The following DLG2 variants were observed in gnomAD, a reference collection of about 807,000 sequenced individuals.
DLG2 encodes discs large MAGUK scaffold protein 2.
In DLG2, 45 loss-of-function variants were observed where a neutral mutation model predicts 132.5. That is an observed-to-expected ratio of 0.34 (90% CI 0.27 to 0.44). The LOEUF is 0.44. Among genes scored for constraint, DLG2 ranks in the 20% least tolerant of loss-of-function variants. DLG2 has a pLI of 1.00. For synonymous variants in DLG2, 424 were observed against 419.6 expected (o/e 1.01, Z -0.13); for missense variants, 1,045 against 1,196.9 (o/e 0.87, Z 1.87).
rs148825112 is a variant in DLG2 at position 84,445,092 on chromosome 11, G to A, written c.519+89478C>T. On this transcript the variant is annotated intron_variant, in intron 7 of 27. Coordinates refer to ENST00000376104, the MANE Select transcript of DLG2 (RefSeq NM_001142699.3). ...TTCCCAAAGTACTGGGATTACAGGC[G>A]TGAGCCACTGCACTTAGCCTATTGT... Among the ~76,000 whole-genome samples, 629 of 152,258 alleles carry A rather than the reference G, an allele frequency of 4.1e-3. 24 individuals are homozygous for A. The East Asian group carries it at 0.1, about 25-fold the overall frequency.
chr11:85,610,697 AG>A (rs1356136084), intron 2 of DLG2, among the ~76,000 whole-genome samples: 2 of 152,216 alleles, frequency 1.3e-5, no homozygotes, highest in East Asian at 3.8e-4. Context: ...TGAACTTTCT[AG>A]CTAATCAAGG....
intron 9 of DLG2, among the ~76,000 whole-genome samples, chr11:84,120,806 T>C (rs943809395): frequency 5.3e-5 from 8 of 152,222 alleles, no homozygotes; most frequent in African/African-American, 1.9e-4. Context: ...GGTGACAATG[T>C]TTAATTTTTG....
At chr11:84,022,004 C>T (rs1259672773) in intron 11 of DLG2, among the ~76,000 whole-genome samples, 2 of 152,144 alleles carry the variant, frequency 1.3e-5, no homozygotes, top group Non-Finnish European at 2.9e-5. Flanking sequence ...GCCTCGGCTT[C>T]CCAAAGTGCT....
chr11:85,433,233 T>A (rs555550951), intron 3 of DLG2, among the ~76,000 whole-genome samples: 1 of 152,204 alleles, frequency 6.6e-6, no homozygotes, highest in East Asian at 1.9e-4. Flanking sequence ...TAAAAACCAA[T>A]GACACTATGA....
chr11:84,077,904 A>C (rs1027753452), intron 10 of DLG2, among the ~76,000 whole-genome samples: 2 of 152,188 alleles, frequency 1.3e-5, no homozygotes, highest in African/African-American at 4.8e-5. Flanking sequence ...ACTTATATAA[A>C]ACAAAAACAC....
chr11:83,475,142 A>G (rs113829581), intron 22 of DLG2, among the ~76,000 whole-genome samples: 4 of 152,290 alleles, frequency 2.6e-5, no homozygotes, highest in African/African-American at 9.6e-5. Context: ...TGTAATACCC[A>G]GGAAGCCTGT....
At chr11:85,228,982 C>T (rs573696744) in intron 4 of DLG2, among the ~76,000 whole-genome samples, 8 of 150,956 alleles carry the variant, frequency 5.3e-5, no homozygotes, top group Non-Finnish European at 1.0e-4. Flanking sequence ...TTTTCCTATA[C>T]CTTTTTTTGT....
chr11:83,929,296 T>C (rs2079669593), intron 15 of DLG2, among the ~76,000 whole-genome samples: 1 of 152,184 alleles, frequency 6.6e-6, no homozygotes, highest in Non-Finnish European at 1.5e-5. Context: ...CGTTCTAAAG[T>C]CTGTATTTTT....
chr11:84,260,676 C>A (rs1247457171), intron 7 of DLG2, among the ~76,000 whole-genome samples: 4 of 152,160 alleles, frequency 2.6e-5, no homozygotes, highest in Non-Finnish European at 5.9e-5. Flanking sequence ...ATTGACGGAA[C>A]TTTCTCTTGT....
At chr11:83,459,974 T>C in intron 27 of DLG2, 50 bp from the exon 28 acceptor site, 1 of 1,072,006 alleles carries the variant, frequency 9.3e-7, no homozygotes, top group Non-Finnish European at 1.4e-6. Flanking sequence ...TCCTGGATGG[T>C]GAAGAACAAT....
chr11:83,894,520 T>C (rs1314159737), intron 15 of DLG2, among the ~76,000 whole-genome samples: 1 of 152,176 alleles, frequency 6.6e-6, no homozygotes, highest in Non-Finnish European at 1.5e-5. Flanking sequence ...AAAGTTAAAA[T>C]TGATACATAA....
In DLG2 at chr11:84,167,688, C is replaced by T. The variant is rs986950380; in HGVS notation, c.574-4177G>A. On this transcript the variant is annotated intron_variant, in intron 8 of 27. Coordinates refer to ENST00000376104, the MANE Select transcript of DLG2 (RefSeq NM_001142699.3). ...ATGAATAATTTTTTTTTTTTCGAGA[C>T]GGAGTTTCAGTCTTGTCAACCAGGC... Among the ~76,000 whole-genome samples the T allele has an allele frequency of 4.6e-5, 7 of 151,090 alleles. No homozygotes were observed. In the East Asian group the frequency reaches 1.2e-3, roughly 25 times the overall value.
At chr11:85,403,578 C>A (rs916018114) in intron 3 of DLG2, among the ~76,000 whole-genome samples, 2 of 151,734 alleles carry the variant, frequency 1.3e-5, no homozygotes, top group Non-Finnish European at 2.9e-5. Flanking sequence ...GCATGAAAAG[C>A]CTGGCTTTGG....
chr11:84,903,484 T>C (rs2091148984), intron 6 of DLG2, among the ~76,000 whole-genome samples: 2 of 152,140 alleles, frequency 1.3e-5, no homozygotes, highest in African/African-American at 4.8e-5. Context: ...CAGTATGCCC[T>C]TAAGAATATA....
At chr11:85,403,000 C>A (rs2088317213) in intron 3 of DLG2, among the ~76,000 whole-genome samples, 1 of 152,008 alleles carries the variant, frequency 6.6e-6, no homozygotes, top group Non-Finnish European at 1.5e-5. Context: ...AGGTATATAC[C>A]CAAAGGATTA....
chr11:85,479,313 G>C (rs2093227850), intron 3 of DLG2, among the ~76,000 whole-genome samples: 1 of 152,138 alleles, frequency 6.6e-6, no homozygotes, highest in African/African-American at 2.4e-5. Flanking sequence ...GAAGACAGCT[G>C]TCTTTTCCCT....
At chr11:84,827,499 T>G (rs4442574) in intron 6 of DLG2, among the ~76,000 whole-genome samples, 1 of 151,456 alleles carries the variant, frequency 6.6e-6, no homozygotes, top group Non-Finnish European at 1.5e-5. Flanking sequence ...TAATATTGAT[T>G]GATCAAAGTA....
At position 85,456,219 on chromosome 11, in the gene DLG2, A is replaced by C. The variant is rs189681216; in HGVS notation, c.40+142438T>G. Among the ~76,000 whole-genome samples the C allele has an allele frequency of 1.1e-3, 170 of 152,204 alleles. 1 individual carries two copies. The highest frequency in any genetic ancestry group is 1.3e-3 in the Non-Finnish European group (86 of 68,002). On this transcript the variant is annotated intron_variant, in intron 3 of 27. Coordinates refer to ENST00000376104, the MANE Select transcript of DLG2 (RefSeq NM_001142699.3). ...GGAGGTTGTATGTGTCCAGGAATTT[A>C]TCCATTTCTTTTAGGTTTTCTGGTT...
At chr11:83,512,083 G>C (rs144833867) in intron 21 of DLG2, among the ~76,000 whole-genome samples, 1 of 152,170 alleles carries the variant, frequency 6.6e-6, no homozygotes, top group African/African-American at 2.4e-5. Context: ...GGGGCAGCTG[G>C]AGACAGCTCA....
Sources: allele counts gnomAD v4.1 joint callset (sites outside exome capture counted in the v4.1 genomes callset), GRCh38; gene constraint gnomAD v4.1.1; transcripts MANE v1.5; gene names NCBI Gene and HGNC (gene_info 2026-07-23, HGNC 2026-07-21).